COL10A1: variants seen among roughly 807,000 people sequenced by gnomAD.
The protein encoded by COL10A1 is collagen type X alpha 1 chain.
Under a neutral mutation model 18.2 loss-of-function variants are expected in COL10A1, and 10 were observed. The ratio of observed to expected loss-of-function variants is 0.55; its 90% CI spans 0.34 to 0.93. The LOEUF (loss-of-function observed/expected upper bound fraction) is 0.93. COL10A1 is among the 40% of genes least tolerant of loss of function. The probability of loss-of-function intolerance (pLI) is 0.02; values close to 1 mark genes in which losing one functional copy is unlikely to be tolerated. For missense variants in COL10A1, 897 were observed against 853.5 expected, an observed-to-expected ratio of 1.05 and a Z score of -0.64; for synonymous variants, 330 against 316.6, an observed-to-expected ratio of 1.04 and a Z score of -0.45.
chr6:116,200,000 G>GT, the COL10A1 span, among the ~76,000 whole-genome samples: 549 of 91,046 alleles, frequency 6.0e-3, 19 homozygotes, highest in South Asian at 0.058. Flanking sequence ...TATGGAAAGT[G>GT]GGGGGGGAAG....
the COL10A1 span, among the ~76,000 whole-genome samples, chr6:116,215,592 A>G: frequency 3.5e-4 from 54 of 152,236 alleles, no homozygotes; most frequent in Admixed American, 8.5e-4. Flanking sequence ...GATTTGTTAT[A>G]TTTTGAATAA....
At chr6:116,193,912 A>G in the COL10A1 span, among the ~76,000 whole-genome samples, 5 of 151,990 alleles carry the variant, frequency 3.3e-5, no homozygotes, top group Non-Finnish European at 7.4e-5. Context: ...AAAAATACAG[A>G]AAGTAGTCAG....
At chr6:116,129,017 C>G (rs1169096668), upstream of COL10A1, among the ~76,000 whole-genome samples, 1 of 152,156 alleles carries the variant, frequency 6.6e-6, no homozygotes, top group Non-Finnish European at 1.5e-5. Context: ...CGCTGTCACT[C>G]AATTCTCTTT....
intron 1 of COL10A1, among the ~76,000 whole-genome samples, chr6:116,139,380 A>C (rs1003864775): frequency 1.3e-5 from 2 of 152,200 alleles, no homozygotes; most frequent in Non-Finnish European, 2.9e-5. Context: ...AATACAGTCT[A>C]AAGCTGACTC....
upstream of COL10A1, among the ~76,000 whole-genome samples, chr6:116,128,439 C>G (rs903663253): frequency 6.7e-6 from 1 of 149,308 alleles, no homozygotes; most frequent in Admixed American, 6.6e-5. Flanking sequence ...GAAACCCATT[C>G]CACTCAAAAC....
intron 1 of COL10A1, chr6:116,136,935 C>T (rs148247832): frequency 0.011 from 1,618 of 152,456 alleles, 13 homozygotes; most frequent in Non-Finnish European, 0.017. Context: ...AGTATATAAA[C>T]TAAGAAGACC....
the COL10A1 span, among the ~76,000 whole-genome samples, chr6:116,167,206 ATTTTTTT>A: frequency 4.6e-5 from 4 of 87,796 alleles, no homozygotes; most frequent in African/African-American, 1.5e-4. Context: ...CAAATAGAAG[ATTTTTTT>A]TTTTTTTTTT....
the COL10A1 span, among the ~76,000 whole-genome samples, chr6:116,189,964 A>T: frequency 6.6e-6 from 1 of 151,988 alleles, no homozygotes; most frequent in Non-Finnish European, 1.5e-5. Flanking sequence ...TTGTTCTTTT[A>T]CTAGTTTTCA....
chr6:116,177,504 A>T, the COL10A1 span, among the ~76,000 whole-genome samples: 1 of 152,148 alleles, frequency 6.6e-6, no homozygotes, highest in Admixed American at 6.5e-5. Context: ...TTTTCTACTT[A>T]AATGTAAGCC....
intron 1 of COL10A1, among the ~76,000 whole-genome samples, chr6:116,141,655 T>C (rs1300062558): frequency 6.6e-6 from 1 of 152,044 alleles, no homozygotes; most frequent in African/African-American, 2.4e-5. Flanking sequence ...CTTGCAAAGG[T>C]TCTGTGTAAA....
At chr6:116,216,196 A>G in the COL10A1 span, among the ~76,000 whole-genome samples, 3 of 152,202 alleles carry the variant, frequency 2.0e-5, no homozygotes, top group Non-Finnish European at 4.4e-5. Context: ...CCTAACATGT[A>G]CAAGGCTATA....
chr6:116,185,988 G>T, the COL10A1 span, among the ~76,000 whole-genome samples: 1 of 151,956 alleles, frequency 6.6e-6, no homozygotes, highest in African/African-American at 2.4e-5. Flanking sequence ...CTTTAAGGAG[G>T]TTCTATTTTG....
At chr6:116,200,002 G>GC in the COL10A1 span, among the ~76,000 whole-genome samples, 1 of 101,204 alleles carries the variant, frequency 9.9e-6, no homozygotes, top group African/African-American at 3.3e-5. Context: ...TGGAAAGTGG[G>GC]GGGGGAAGAG....
At chr6:116,155,309 A>C (rs1175874048) in intron 1 of COL10A1, among the ~76,000 whole-genome samples, 1 of 152,110 alleles carries the variant, frequency 6.6e-6, no homozygotes, top group African/African-American at 2.4e-5. Context: ...GAAAAATAAT[A>C]ATCTTTCTTA....
the COL10A1 span, among the ~76,000 whole-genome samples, chr6:116,203,057 A>G: frequency 6.6e-6 from 1 of 151,986 alleles, no homozygotes. Context: ...AGATTATGAT[A>G]TTAAACATTT....
In COL10A1 at chr6:116,136,200, G is replaced by GTGTC. The variant is rs555684218; in HGVS notation, c.-15-10697_-15-10694dup. Among the ~76,000 whole-genome samples, 78 of 152,126 alleles carry GTGTC rather than the reference G, an allele frequency of 5.1e-4. 1 individual carries two copies. The highest frequency in any genetic ancestry group is 6.8e-3 in the Middle Eastern group (2 of 294). ...GAGATCATGCAGTATTTGTCCTTCT[G>GTGTC]TGTCTGGTGTATTTCACTTAGCATA... On this transcript the variant is annotated intron_variant, in intron 1 of 1. Coordinates refer to the COL10A1 transcript ENST00000418500.
the COL10A1 span, among the ~76,000 whole-genome samples, chr6:116,207,486 G>A: frequency 1.9e-4 from 29 of 151,580 alleles, no homozygotes; most frequent in African/African-American, 7.0e-4. Context: ...ATGCTTACCG[G>A]GTAAAGAGTT....
At chr6:116,152,601 A>G (rs756828044) in intron 1 of COL10A1, among the ~76,000 whole-genome samples, 7 of 152,096 alleles carry the variant, frequency 4.6e-5, no homozygotes, top group Non-Finnish European at 7.4e-5. Context: ...TTTCTTTACC[A>G]GGTCTTTATT....
At chr6:116,191,217 C>T in the COL10A1 span, among the ~76,000 whole-genome samples, 4 of 151,982 alleles carry the variant, frequency 2.6e-5, no homozygotes, top group Non-Finnish European at 4.4e-5. Context: ...CAACTCCTAC[C>T]CTTCCTTTGT....
Sources: gnomAD v4.1 joint callset for allele counts (sites outside exome capture counted in the v4.1 genomes callset) on GRCh38, gnomAD v4.1.1 for gene constraint, MANE v1.5 for transcripts, NCBI Gene and HGNC (gene_info 2026-07-23, HGNC 2026-07-21) for gene names.